NOMO2: variants seen among roughly 807,000 people sequenced by gnomAD.
NOMO2 encodes BOS complex subunit NOMO2.
NOMO2 carries 14 observed loss-of-function variants against 67.1 expected under a neutral mutation model. That is an observed-to-expected ratio of 0.21 (90% confidence interval 0.14 to 0.33). The LOEUF (loss-of-function observed/expected upper bound fraction) is 0.33, where lower values mean the gene tolerates loss of function less well. Ranked by LOEUF, NOMO2 falls within the 10% of genes least tolerant of loss-of-function variation. The pLI, the probability that NOMO2 is intolerant of heterozygous loss-of-function variation, is 1.00. For synonymous variants in NOMO2, 80 were observed against 305.9 expected, an observed-to-expected ratio of 0.26 and a Z score of 7.71; for missense variants, 178 against 761.0, an observed-to-expected ratio of 0.23 and a Z score of 9.01.
chr16:18,561,368 G>C (rs1596865988), intron 1 of NOMO2, among the ~76,000 whole-genome samples: 1 of 150,950 alleles, frequency 6.6e-6, no homozygotes, highest in East Asian at 2.0e-4. Flanking sequence ...GAATCTATGG[G>C]ATGGGAATTG....
chr16:18,562,050 T>G lies in NOMO2; in HGVS notation c.-10A>C. ...CCTGGCCCACCAGCATGGCCCGACC[T>G]CCCCCAGCTAGACCCACCGCCGGCA... On this transcript the variant is annotated 5_prime_UTR_variant, in exon 1 of 31. Transcript: ENST00000622306. The G allele has an allele frequency of 2.0e-6, 3 of 1,472,134 alleles. No individual in the cohort carries two copies. The highest frequency in any genetic ancestry group is 9.0e-7 in the Non-Finnish European group (1 of 1,117,086). The allele number at this position is 1,472,134 out of a possible 1,614,324, so 91.2% of individuals were successfully genotyped here. A position where few individuals can be genotyped will look rare whatever the true frequency, so the allele number is the denominator to read the frequency against.
At chr16:18,531,419 CT>C in intron 13 of NOMO2, 46 bp downstream of exon 13, 1 of 1,613,234 alleles carries the variant, frequency 6.2e-7, no homozygotes, top group Non-Finnish European at 8.5e-7. Flanking sequence ...CTCCTACTGG[CT>C]GACTTCTTTG....
intron 16 of NOMO2, among the ~76,000 whole-genome samples, chr16:18,525,243 T>C (rs1596842584): frequency 6.7e-6 from 1 of 149,464 alleles, no homozygotes; most frequent in Non-Finnish European, 1.5e-5. Context: ...AAAAATCAGG[T>C]TTCTCTGTTT....
intron 1 of NOMO2, chr16:18,558,799 A>G (rs1901970620): frequency 4.4e-6 from 2 of 455,190 alleles, no homozygotes; most frequent in Non-Finnish European, 8.8e-6. Context: ...GTAGACACAG[A>G]GCCGCTCCTT....
At chr16:18,541,841 T>TAAA (rs1251821871) in intron 9 of NOMO2, among the ~76,000 whole-genome samples, 26 of 122,366 alleles carry the variant, frequency 2.1e-4, no homozygotes, top group Non-Finnish European at 2.7e-4. Flanking sequence ...GACCCTATCT[T>TAAA]AAAAAAAAAA....
chr16:18,556,278 C>T (rs1901901266), intron 2 of NOMO2, among the ~76,000 whole-genome samples: 1 of 150,872 alleles, frequency 6.6e-6, no homozygotes, highest in Non-Finnish European at 1.5e-5. Flanking sequence ...TGGTGAAACA[C>T]CATCTCTACT....
chr16:18,529,831 G>C (rs565659141), intron 14 of NOMO2, among the ~76,000 whole-genome samples, 194 bp from the exon 15 acceptor site: 1 of 151,158 alleles, frequency 6.6e-6, no homozygotes, highest in East Asian at 1.9e-4. Context: ...AAGAAAACCT[G>C]GAGTCGAGCG....
intron 6 of NOMO2, among the ~76,000 whole-genome samples, chr16:18,545,099 T>TA (rs1473091308): frequency 7.9e-6 from 1 of 127,042 alleles, no homozygotes; most frequent in African/African-American, 3.3e-5. Context: ...TCGAATAAAT[T>TA]TTTTTTTTTT....
At chr16:18,535,966 T>C (rs944862099) in intron 11 of NOMO2, among the ~76,000 whole-genome samples, 20 of 152,058 alleles carry the variant, frequency 1.3e-4, no homozygotes, top group Admixed American at 2.0e-4. Context: ...CCCGCCAACC[T>C]TTTGTATCTT....
rs1423660576 is a variant in NOMO2, at chr16:18,555,774, A to AT, written c.256-923dup. ...CAGGCATCCACGTGACACCCGGCTA[A>AT]TTTTTTTGTATTTTAGTAGAGACGG... is the stretch of plus-strand genomic sequence containing the variant. On this transcript the variant is annotated intron_variant, in intron 2 of 30. Coordinates refer to ENST00000622306, the MANE Select transcript of NOMO2 (RefSeq NM_173614.4). 5.1e-4 allele frequency among the ~76,000 whole-genome samples: 34 copies of AT among 67,246 alleles called. No individual in the cohort carries two copies. The East Asian group carries it at 0.012, about 23-fold the overall frequency. The allele number at this position is 67,246 out of a possible 152,430, so 44.1% of individuals were successfully genotyped here. A position where few individuals can be genotyped will look rare whatever the true frequency, so the allele number is the denominator to read the frequency against.
chr16:18,528,992 C>A (rs1335664801), intron 15 of NOMO2, among the ~76,000 whole-genome samples: 15 of 12,314 alleles, frequency 1.2e-3, no homozygotes, highest in African/African-American at 2.2e-3. Flanking sequence ...AAAAAAAATA[C>A]ATATATATAT....
intron 11 of NOMO2, among the ~76,000 whole-genome samples, chr16:18,536,402 A>G (rs1251061598): frequency 1.3e-5 from 2 of 152,262 alleles, no homozygotes; most frequent in African/African-American, 4.8e-5. Flanking sequence ...AACACTTGCC[A>G]TAATTTAGCA....
At chr16:18,551,185 TA>T (rs1420221810) in intron 4 of NOMO2, among the ~76,000 whole-genome samples, 2 of 151,666 alleles carry the variant, frequency 1.3e-5, no homozygotes, top group Non-Finnish European at 2.9e-5. Flanking sequence ...AAATAAAAAA[TA>T]AAAAAATAAA....
intron 4 of NOMO2, among the ~76,000 whole-genome samples, chr16:18,550,356 A>G (rs1901754835): frequency 6.8e-6 from 1 of 146,262 alleles, no homozygotes; most frequent in Admixed American, 6.8e-5. Flanking sequence ...CCACAGAGCG[A>G]GACTCTGTCT....
chr16:18,539,990 G>A (rs1437646502), intron 9 of NOMO2, among the ~76,000 whole-genome samples: 9 of 151,388 alleles, frequency 5.9e-5, no homozygotes, highest in Admixed American at 2.0e-4. Context: ...AAATGTCCTC[G>A]TTCGATTTCT....
intron 11 of NOMO2, 88 bp from the exon 12 acceptor site, chr16:18,533,267 C>A (rs1440392813): frequency 8.5e-6 from 12 of 1,408,018 alleles, no homozygotes; most frequent in Non-Finnish European, 1.2e-5. Flanking sequence ...CAGCCCTCTC[C>A]CAGCCCTTGT....
chr16:18,561,366 G>A (rs1902046544), intron 1 of NOMO2, among the ~76,000 whole-genome samples: 1 of 150,860 alleles, frequency 6.6e-6, no homozygotes, highest in African/African-American at 2.4e-5. Flanking sequence ...CAGAATCTAT[G>A]GGATGGGAAT....
At chr16:18,561,173 TAA>T (rs756246897) in intron 1 of NOMO2, among the ~76,000 whole-genome samples, 285 of 32,410 alleles carry the variant, frequency 8.8e-3, no homozygotes, top group African/African-American at 0.024. Flanking sequence ...ACAACTTAAT[TAA>T]AAAAAAAAAA....
intron 2 of NOMO2, among the ~76,000 whole-genome samples, chr16:18,555,507 C>A (rs2141756685): frequency 6.7e-6 from 1 of 150,352 alleles, no homozygotes; most frequent in South Asian, 2.1e-4. Flanking sequence ...TGCACTCCAG[C>A]ATGGGCAGCG....
Sources: allele counts gnomAD v4.1 joint callset (sites outside exome capture counted in the v4.1 genomes callset), GRCh38; gene constraint gnomAD v4.1.1; transcripts MANE v1.5; gene names NCBI Gene and HGNC (gene_info 2026-07-23, HGNC 2026-07-21).